The following PMP22 variants were observed in gnomAD, a reference collection of about 807,000 sequenced individuals.
The protein encoded by PMP22 is Charcot-Marie-Tooth neuropathy 1A (greatly reduced nerve conduction velocity, hereditary motor sensory neuropathy Ia).
In PMP22, 2 loss-of-function variants were observed where a neutral mutation model predicts 18.9. The observed-to-expected ratio is 0.11, with a 90% CI of 0.04 to 0.33. The LOEUF (loss-of-function observed/expected upper bound fraction) is 0.33. PMP22 is among the 10% of genes least tolerant of loss of function. PMP22 has a pLI of 1.00. For synonymous variants in PMP22, 95 were observed against 89.2 expected (o/e 1.07, Z -0.37); for missense variants, 169 against 202.2 (o/e 0.84, Z 1.00).
chr17:15,235,248 T>C (rs1195527207), intron 4 of PMP22: 1 of 717,668 alleles, frequency 1.4e-6, no homozygotes, highest in Non-Finnish European at 2.6e-6. Flanking sequence ...TTTCTGTTCT[T>C]AATCCCGGTA....
intron 2 of PMP22, chr17:15,260,219 G>A (rs1909195242): frequency 3.8e-6 from 1 of 260,356 alleles, no homozygotes; most frequent in African/African-American, 2.2e-5. Context: ...TTCCAGAAAA[G>A]CCCATTTTAA....
rs560368157 is a variant in PMP22 at position 15,230,825 on chromosome 17, T to G, written c.*92A>C. 1.1e-4 allele frequency: 150 copies of G among 1,426,420 alleles called. 1 individual carries two copies. In the South Asian group the frequency reaches 1.5e-3, roughly 14 times the overall value. The allele number at this position is 1,426,420 out of a possible 1,614,324, so 88.4% of individuals were successfully genotyped here. On this transcript the variant is annotated 3_prime_UTR_variant, in exon 5 of 5. Coordinates refer to ENST00000312280, the MANE Select transcript of PMP22 (RefSeq NM_000304.4). ...TTGGTTTGGTTTGAGTTTGGGATTT[T>G]GGGCTAGCTCTTTTTTCTTTGTCTG... is the stretch of plus-strand genomic sequence containing the variant.
chr17:15,255,740 G>A (rs753828261), intron 3 of PMP22, among the ~76,000 whole-genome samples: 12 of 152,076 alleles, frequency 7.9e-5, no homozygotes, highest in East Asian at 1.9e-4. Flanking sequence ...TCTCCTCCCC[G>A]TTGCCTGTAT....
chr17:15,260,562 A>G, intron 2 of PMP22, 88 bp downstream of exon 2: 1 of 1,107,406 alleles, frequency 9.0e-7, no homozygotes, highest in Admixed American at 2.0e-5. Flanking sequence ...TCTGCAAATA[A>G]CACAGTCCTG....
chr17:15,259,284 C>T (rs1909100332), intron 2 of PMP22, 91 bp from the exon 3 acceptor site: 5 of 955,778 alleles, frequency 5.2e-6, no homozygotes, highest in African/African-American at 3.2e-5. Context: ...TGGCGAAAAG[C>T]ACCCGCATCC....
At chr17:15,247,496 A>G (rs755636599) in intron 3 of PMP22, among the ~76,000 whole-genome samples, 2 of 152,220 alleles carry the variant, frequency 1.3e-5, no homozygotes, top group South Asian at 2.1e-4. Context: ...TAGCTCCCCC[A>G]GCAGATAGTG....
intron 4 of PMP22, among the ~76,000 whole-genome samples, chr17:15,233,399 G>T (rs993086421): frequency 5.3e-5 from 8 of 152,240 alleles, no homozygotes; most frequent in African/African-American, 1.9e-4. Context: ...ACTTACAAGA[G>T]TTTCTCCCTG....
At chr17:15,248,483 T>A (rs1238570027) in intron 3 of PMP22, among the ~76,000 whole-genome samples, 1 of 152,242 alleles carries the variant, frequency 6.6e-6, no homozygotes, top group Non-Finnish European at 1.5e-5. Context: ...TGTCAGGGTC[T>A]AGTTCTGCAC....
At chr17:15,233,923 A>C (rs190034499) in intron 4 of PMP22, among the ~76,000 whole-genome samples, 7 of 152,296 alleles carry the variant, frequency 4.6e-5, no homozygotes, top group Admixed American at 1.3e-4. Context: ...CTTACATGAC[A>C]TGTTAAGGAA....
intron 3 of PMP22, among the ~76,000 whole-genome samples, chr17:15,239,813 GA>G (rs1207962865): frequency 1.3e-5 from 2 of 151,902 alleles, no homozygotes; most frequent in African/African-American, 4.8e-5. Flanking sequence ...TATTTTGGAG[GA>G]AAAAATATAT....
chr17:15,236,054 C>T (rs1156382292), intron 4 of PMP22, among the ~76,000 whole-genome samples: 2 of 151,282 alleles, frequency 1.3e-5, no homozygotes, highest in Middle Eastern at 3.2e-3. Flanking sequence ...GCCACTGCGC[C>T]CCGCCCACTG....
intron 3 of PMP22, among the ~76,000 whole-genome samples, chr17:15,244,703 C>T: frequency 1.3e-5 from 2 of 152,094 alleles, no homozygotes; most frequent in Non-Finnish European, 2.9e-5. Context: ...ATTATGAAAA[C>T]AAACACCAAA....
chr17:15,239,154 G>A (rs765278701), intron 4 of PMP22, among the ~76,000 whole-genome samples: 3 of 152,224 alleles, frequency 2.0e-5, no homozygotes, highest in Non-Finnish European at 2.9e-5. Context: ...ATTCACCTCT[G>A]ATTATGTGTC....
At chr17:15,247,372 CA>C (rs1414773921) in intron 3 of PMP22, among the ~76,000 whole-genome samples, 3 of 151,868 alleles carry the variant, frequency 2.0e-5, no homozygotes, top group African/African-American at 7.3e-5. Flanking sequence ...GTCTCAAAAA[CA>C]ACAACAACAA....
chr17:15,259,696 C>T (rs1909138089), intron 2 of PMP22, among the ~76,000 whole-genome samples: 2 of 151,770 alleles, frequency 1.3e-5, no homozygotes, highest in South Asian at 2.1e-4. Flanking sequence ...AATCCCAGCA[C>T]TTTGGGAGGC....
chr17:15,265,043 T>A (rs541717716), intron 1 of PMP22, 111 bp downstream of exon 1: 81 of 152,238 alleles, frequency 5.3e-4, no homozygotes, highest in African/African-American at 1.9e-3. Flanking sequence ...AAATGCACCA[T>A]CTCTCCTGCA....
At chr17:15,260,575 C>A in intron 2 of PMP22, 75 bp downstream of exon 2, 1 of 1,237,154 alleles carries the variant, frequency 8.1e-7, no homozygotes, top group Non-Finnish European at 1.2e-6. Flanking sequence ...CAGTCCTGAA[C>A]CAGCAGGAGC....
chr17:15,247,716 C>T (rs1261905535), intron 3 of PMP22, among the ~76,000 whole-genome samples: 1 of 152,118 alleles, frequency 6.6e-6, no homozygotes, highest in Non-Finnish European at 1.5e-5. Flanking sequence ...TGGAACCAAC[C>T]CTGCCCCATA....
chr17:15,251,742 G>C (rs866933963), intron 3 of PMP22: 1 of 151,980 alleles, frequency 6.6e-6, no homozygotes, highest in Non-Finnish European at 1.5e-5. Flanking sequence ...CCTTCTCTCG[G>C]GCACCAAAGA....
Sources: gnomAD v4.1 joint callset for allele counts (sites outside exome capture counted in the v4.1 genomes callset) on GRCh38, gnomAD v4.1.1 for gene constraint, MANE v1.5 for transcripts, NCBI Gene and HGNC (gene_info 2026-07-23, HGNC 2026-07-21) for gene names.